The following FBH1 variants were observed in gnomAD, a reference collection of about 807,000 sequenced individuals.
The protein encoded by FBH1 is DNA 3'-5' helicase 1.
A neutral mutation model predicts 115.5 loss-of-function variants in FBH1; 43 were observed. The observed-to-expected ratio is 0.37, with a 90% CI of 0.29 to 0.48. FBH1 has a LOEUF of 0.48. Among genes scored for constraint, FBH1 ranks in the 20% least tolerant of loss-of-function variants. The probability of loss-of-function intolerance (pLI) is 0.99; values close to 1 mark genes in which losing one functional copy is unlikely to be tolerated. For missense variants in FBH1, 1,001 were observed against 1,337.3 expected, an observed-to-expected ratio of 0.75 and a Z score of 3.92; for synonymous variants, 524 against 507.8, an observed-to-expected ratio of 1.03 and a Z score of -0.43.
chr10:5,936,818 A>G lies in FBH1; in HGVS notation c.2961+231A>G. On this transcript the variant is annotated intron_variant, in intron 20 of 20. Transcript: ENST00000362091. The surrounding 1 kb of genome is among the most constrained non-coding windows in gnomAD (Gnocchi z 5.6). ...CGCAGGTCTGGGAGGCTGGGTTGTG[A>G]TACACGCTTAGAGAGAGAGCTGTTC... is the stretch of plus-strand genomic sequence containing the variant. The G allele has an allele frequency of 3.2e-6, 2 of 621,782 alleles. No individual in the cohort carries two copies. The highest frequency in any genetic ancestry group is 3.0e-5 in the Admixed American group (1 of 33,430). The allele number at this position is 621,782 out of a possible 1,614,324, so 38.5% of individuals were successfully genotyped here. A position where few individuals can be genotyped will look rare whatever the true frequency, so the allele number is the denominator to read the frequency against.
At position 5,895,293 on chromosome 10, in the gene FBH1, T is replaced by C; in HGVS notation, c.1+4947T>C. 5.5e-6 allele frequency: 7 copies of C among 1,284,228 alleles called. No homozygotes were observed. Among genetic ancestry groups the C allele is most frequent in the Non-Finnish European group, 7.3e-6 (7 of 956,458 alleles). The allele number at this position is 1,284,228 out of a possible 1,614,324, so 79.6% of individuals were successfully genotyped here. A position where few individuals can be genotyped will look rare whatever the true frequency, so the allele number is the denominator to read the frequency against. ...TCTTTGTTAAAGTTGGGTATGGTAT[T>C]GTAGCAGTTTCTCCAGTCAGGTACC... On this transcript the variant is annotated intron_variant, in intron 1 of 20. Coordinates refer to ENST00000362091, the MANE Select transcript of FBH1 (RefSeq NM_178150.3). This position sits in a 1 kb window ranked among gnomAD's most constrained non-coding sequence, Gnocchi z 5.0.
intron 18 of FBH1, among the ~76,000 whole-genome samples, chr10:5,926,063 A>G (rs897601808): frequency 6.6e-6 from 1 of 151,998 alleles, no homozygotes; most frequent in African/African-American, 2.4e-5. Context: ...CAGCCACCAC[A>G]GACATTTGTC....
rs1048575091 is a variant in FBH1, at chr10:5,915,116, G to C, written c.1397-287G>C. Among the ~76,000 whole-genome samples the C allele has an allele frequency of 2.0e-5, 3 of 152,016 alleles. No homozygotes were observed. Among genetic ancestry groups the C allele is most frequent in the African/African-American group, 7.3e-5 (3 of 41,366 alleles). On this transcript the variant is annotated intron_variant, in intron 8 of 20. Coordinates refer to ENST00000362091, the MANE Select transcript of FBH1 (RefSeq NM_178150.3). The surrounding 1 kb of genome is among the most constrained non-coding windows in gnomAD (Gnocchi z 5.2). ...GCCCTCGGGAACCCTACCTCTAATG[G>C]ATACCCACTTATTTCTGAGAAGCAA...
In FBH1 at chr10:5,914,061, C is replaced by A. The variant is rs1831775955; in HGVS notation, c.1305-117C>A. On this transcript the variant is annotated intron_variant, in intron 7 of 20. Transcript: ENST00000362091. This position sits in a 1 kb window ranked among gnomAD's most constrained non-coding sequence, Gnocchi z 5.2. Reference sequence around the variant, plus strand: ...ACATGTTTATTCTCGTAAGGGGAGGCCTTTTTTTTGGTCAGCTTTTGTTTA... The same window carrying A: ...ACATGTTTATTCTCGTAAGGGGAGGACTTTTTTTTGGTCAGCTTTTGTTTA... 1.6e-5 allele frequency: 16 copies of A among 994,234 alleles called. No individual in the cohort carries two copies. The highest frequency in any genetic ancestry group is 2.3e-5 in the Non-Finnish European group (15 of 652,392). 61.6% of individuals were successfully genotyped at this position (994,234 alleles called of 1,614,324 possible).
rs774230947 is a variant in FBH1, at chr10:5,918,390, G to A, written c.2012G>A (p.Gly671Glu). The A allele has an allele frequency of 6.2e-7, 1 of 1,613,400 alleles. No homozygotes were observed. The highest frequency in any genetic ancestry group is 8.5e-7 in the Non-Finnish European group (1 of 1,179,802). Residue 671 changes from glycine (G) to glutamate (E), a missense_variant, in exon 13 of 21, where the codon GGG (glycine) becomes GAG (glutamate). By Grantham distance (98) the Gly-to-Glu change is moderately conservative (BLOSUM62 -2). Transcript: ENST00000362091. The surrounding 1 kb of genome is among the most constrained non-coding windows in gnomAD (Gnocchi z 4.0). Reference protein sequence around the residue: ...LSQPCGKIFVGDPHQQIYTFR... With the variant: ...LSQPCGKIFVEDPHQQIYTFR... ...CAGCCATGTGGGAAAATCTTTGTAG[G>A]GGACCCGCACCAGCAGATCTATACC...
chr10:5,894,468 T>C (rs1174028680), intron 1 of FBH1: 1 of 1,377,078 alleles, frequency 7.3e-7, no homozygotes, highest in South Asian at 1.2e-5. Context: ...AGACCCGGGT[T>C]CTTGTGTTGG....
chr10:5,893,503 G>A (rs1055306152), intron 1 of FBH1, among the ~76,000 whole-genome samples: 2 of 152,054 alleles, frequency 1.3e-5, no homozygotes, highest in Non-Finnish European at 2.9e-5. Flanking sequence ...TTTTGATGAA[G>A]CCCAGCTTTC....
intron 1 of FBH1, among the ~76,000 whole-genome samples, chr10:5,902,711 G>C (rs917379977): frequency 1.3e-5 from 2 of 152,040 alleles, no homozygotes; most frequent in Non-Finnish European, 2.9e-5. Flanking sequence ...TTACAGACGT[G>C]AGCCAGCGCG....
At position 5,906,438 on chromosome 10, in the gene FBH1, G is replaced by A. The variant is rs148412195; in HGVS notation, c.559G>A (p.Val187Met). The change falls in exon 3 of 21, where the codon GTG (valine) becomes ATG (methionine). Residue 187 changes from valine to methionine, a missense_variant. By Grantham distance (21) the Val-to-Met change is conservative (BLOSUM62 1). Transcript: ENST00000362091. The surrounding 1 kb of genome is among the most constrained non-coding windows in gnomAD (Gnocchi z 7.3). ...TGAAACCGACCAAGATGCTGGGGAC[G>A]TGGGTCCTGATCCCATTCCTGACTC... Reference protein sequence around the residue: ...SGETDQDAGDVGPDPIPDSYY... With the variant: ...SGETDQDAGDMGPDPIPDSYY... The A allele has an allele frequency of 2.0e-5, 32 of 1,614,116 alleles. No individual in the cohort carries two copies. The highest frequency in any genetic ancestry group is 5.0e-5 in the Admixed American group (3 of 60,008).
intron 2 of FBH1, 34 bp downstream of exon 2, chr10:5,903,209 C>A: frequency 6.4e-7 from 1 of 1,553,150 alleles, no homozygotes; most frequent in African/African-American, 1.4e-5. Flanking sequence ...CATTTCAAAA[C>A]CTGTAGTGTG....
At chr10:5,912,305 A>C (rs903789294) in intron 6 of FBH1, among the ~76,000 whole-genome samples, 2 of 151,824 alleles carry the variant, frequency 1.3e-5, no homozygotes, top group African/African-American at 4.8e-5. Flanking sequence ...CAGAGGCTGC[A>C]GTGAGCCGAG....
At position 5,917,300 on chromosome 10, in the gene FBH1, G is replaced by A. The variant is rs57986360; in HGVS notation, c.1789-120G>A. 741 of 769,942 alleles carry A rather than the reference G, an allele frequency of 9.6e-4. 5 individuals carry two copies. In the African/African-American group the frequency reaches 0.011, roughly 11 times the overall value. The allele number at this position is 769,942 out of a possible 1,614,324, so 47.7% of individuals were successfully genotyped here. Reference sequence around the variant, plus strand: ...CCCAGGAGGTTAGGGTGGTGTCTGCGGTCCCCCTTCTGTGAGGATGCCCTG... The same window carrying A: ...CCCAGGAGGTTAGGGTGGTGTCTGCAGTCCCCCTTCTGTGAGGATGCCCTG... On this transcript the variant is annotated intron_variant, in intron 10 of 20. Transcript: ENST00000362091. This position sits in a 1 kb window ranked among gnomAD's most constrained non-coding sequence, Gnocchi z 5.6.
In FBH1 at chr10:5,900,862, C is replaced by T. The variant is rs1385356388; in HGVS notation, c.2-2158C>T. The stretch of plus-strand genomic sequence containing the variant: ...CTGTAATCCCAGCACTTTGGGAGGC[C>T]GAGGTGGACGGATCACTTGAGGCCA... On this transcript the variant is annotated intron_variant, in intron 1 of 20. Transcript: ENST00000362091. This position sits in a 1 kb window ranked among gnomAD's most constrained non-coding sequence, Gnocchi z 4.2. 2.0e-5 allele frequency among the ~76,000 whole-genome samples: 3 copies of T among 152,048 alleles called. No homozygotes were observed. The highest frequency in any genetic ancestry group is 4.8e-5 in the African/African-American group (2 of 41,402).
At chr10:5,902,919 G>A (rs74646141) in intron 1 of FBH1, 101 bp from the exon 2 acceptor site, 31,229 of 1,150,998 alleles carry the variant, frequency 0.027, 556 homozygotes, top group Middle Eastern at 0.066. Context: ...TGACAAAATC[G>A]TGTCACTATG....
chr10:5,935,691 T>G lies in FBH1; in HGVS notation c.2830-765T>G, dbSNP rs1235435337. 1 of 152,130 alleles carries G rather than the reference T, an allele frequency of 6.6e-6. No individual in the cohort carries two copies. Among genetic ancestry groups the G allele is most frequent in the East Asian group, 1.9e-4 (1 of 5,200 alleles). 9.4% of individuals were successfully genotyped at this position (152,130 alleles called of 1,614,324 possible). A position where few individuals can be genotyped will look rare whatever the true frequency, so the allele number is the denominator to read the frequency against. ...AATAAATCAAAACGTAGGTTACAGA[T>G]TGTAGAATAAGTAGATCAATAGCTG... is the stretch of plus-strand genomic sequence containing the variant. On this transcript the variant is annotated intron_variant, in intron 19 of 20. Transcript: ENST00000362091. This position sits in a 1 kb window ranked among gnomAD's most constrained non-coding sequence, Gnocchi z 5.2.
chr10:5,914,037 C>A lies in FBH1; in HGVS notation c.1305-141C>A. 3.6e-6 allele frequency: 3 copies of A among 839,550 alleles called. No individual in the cohort carries two copies. The highest frequency in any genetic ancestry group is 5.0e-5 in the East Asian group (2 of 40,064). The allele number at this position is 839,550 out of a possible 1,614,324, so 52.0% of individuals were successfully genotyped here. A position where few individuals can be genotyped will look rare whatever the true frequency, so the allele number is the denominator to read the frequency against. On this transcript the variant is annotated intron_variant, in intron 7 of 20. Coordinates refer to ENST00000362091, the MANE Select transcript of FBH1 (RefSeq NM_178150.3). This position sits in a 1 kb window ranked among gnomAD's most constrained non-coding sequence, Gnocchi z 5.2. The stretch of plus-strand genomic sequence containing the variant: ...TCAGCATCATAATCTAGCTTTAGAA[C>A]ATGTTTATTCTCGTAAGGGGAGGCC...
At chr10:5,899,015 A>G (rs1307058831) in intron 1 of FBH1, among the ~76,000 whole-genome samples, 1 of 152,164 alleles carries the variant, frequency 6.6e-6, no homozygotes, top group Non-Finnish European at 1.5e-5. Context: ...TTCACAAAAA[A>G]CGTTCCAGGG....
At chr10:5,891,250 C>A in intron 1 of FBH1, 1 of 880,118 alleles carries the variant, frequency 1.1e-6, no homozygotes, top group Non-Finnish European at 1.4e-6. Flanking sequence ...CCGTTTTACT[C>A]ATGAGCAGAT....
Position 5,906,596 on chromosome 10 carries a change from GT to G in FBH1, c.718del (p.Cys240AlafsTer24). The G allele has an allele frequency of 6.2e-7, 1 of 1,611,694 alleles. No individual in the cohort carries two copies. On this transcript the variant is annotated frameshift_variant, in exon 3 of 21. Coordinates refer to ENST00000362091, the MANE Select transcript of FBH1 (RefSeq NM_178150.3). LOFTEE classifies it high-confidence loss of function. The surrounding 1 kb of genome is among the most constrained non-coding windows in gnomAD (Gnocchi z 7.3). The stretch of plus-strand genomic sequence containing the variant: ...ACCTCTATTGGAACCTGAGCTTGGT[GT>G]GCCACTTGTGGAGGGAGATCATCAG... ...EDLYWNLSLV[C>X]HLWREIISDP...
Sources: allele counts gnomAD v4.1 joint callset (sites outside exome capture counted in the v4.1 genomes callset), GRCh38; gene constraint gnomAD v4.1.1; non-coding constraint Gnocchi (gnomAD v3.1); transcripts MANE v1.5; gene names NCBI Gene and HGNC (gene_info 2026-07-23, HGNC 2026-07-21).